The following SHB variants were observed in gnomAD, a reference collection of about 807,000 sequenced individuals.
SHB encodes SH2 domain-containing adapter protein B.
A neutral mutation model predicts 52.3 loss-of-function variants in SHB; 20 were observed. That is an observed-to-expected ratio of 0.38 (90% CI 0.27 to 0.56). The LOEUF is 0.56. SHB is among the 20% of genes least tolerant of loss of function. The pLI, the probability that SHB is intolerant of heterozygous loss-of-function variation, is 0.71. For missense variants in SHB, 825 were observed against 723.3 expected (o/e 1.14, Z -1.61); for synonymous variants, 397 against 316.5 (o/e 1.25, Z -2.70).
chr9:38,042,139 C>T (rs1464289546), intron 1 of SHB, among the ~76,000 whole-genome samples: 2 of 152,138 alleles, frequency 1.3e-5, no homozygotes, highest in African/African-American at 2.4e-5. Flanking sequence ...TGTCCTGTGC[C>T]GGGTCACCAA....
intron 3 of SHB, among the ~76,000 whole-genome samples, chr9:37,965,205 G>A (rs1052707842): frequency 3.3e-5 from 5 of 152,248 alleles, no homozygotes; most frequent in Admixed American, 2.6e-4. Context: ...GAGATGGGGA[G>A]TGGAGGTCGG....
chr9:38,053,315 G>C (rs1821775564), intron 1 of SHB, among the ~76,000 whole-genome samples: 1 of 151,884 alleles, frequency 6.6e-6, no homozygotes, highest in South Asian at 2.1e-4. Flanking sequence ...TCAGCTCACT[G>C]CAACCTCCAC....
intron 2 of SHB, among the ~76,000 whole-genome samples, chr9:38,015,809 G>A (rs1821202535): frequency 6.6e-6 from 1 of 152,114 alleles, no homozygotes. Flanking sequence ...CATGGTGCCC[G>A]GCCAGTTTTT....
At chr9:38,043,932 C>T (rs780377732) in intron 1 of SHB, among the ~76,000 whole-genome samples, 150 of 152,258 alleles carry the variant, frequency 9.9e-4, no homozygotes, top group Admixed American at 2.0e-3. Context: ...TCTCCCTGAA[C>T]GCACTGGTGG....
chr9:37,986,794 T>C (rs912337526), intron 2 of SHB, among the ~76,000 whole-genome samples: 1 of 152,192 alleles, frequency 6.6e-6, no homozygotes, highest in South Asian at 2.1e-4. Context: ...CCGGGGCCCC[T>C]GTGCTGCAGA....
At position 38,068,178 on chromosome 9, in the gene SHB, G is replaced by A; in HGVS notation, c.468C>T (p.Ser156=). The stretch of plus-strand genomic sequence containing the variant: ...TGCTGCGGTAGAGATGCGGAGAGCC[G>A]GAGGACGAGGACGAGGACGCGGCGG... The part of the protein sequence containing the change: ...AGAAASSSSS[S]GSPHLYRSSS... Residue 156 remains serine, a synonymous_variant, in exon 1 of 6, where the codon TCC becomes TCT. Coordinates refer to ENST00000377707, the MANE Select transcript of SHB (RefSeq NM_003028.3). The A allele has an allele frequency of 7.0e-7, 1 of 1,425,920 alleles. No individual in the cohort carries two copies. Among genetic ancestry groups the A allele is most frequent in the Non-Finnish European group, 9.1e-7 (1 of 1,103,388 alleles). The allele number at this position is 1,425,920 out of a possible 1,614,324, so 88.3% of individuals were successfully genotyped here.
chr9:38,009,318 C>A (rs1313109714), intron 2 of SHB, among the ~76,000 whole-genome samples: 1 of 152,196 alleles, frequency 6.6e-6, no homozygotes, highest in Non-Finnish European at 1.5e-5. Context: ...GGGGCAGGAC[C>A]CTCAGGACTG....
At chr9:38,033,817 A>G (rs1302062736) in intron 1 of SHB, among the ~76,000 whole-genome samples, 1 of 152,100 alleles carries the variant, frequency 6.6e-6, no homozygotes, top group East Asian at 1.9e-4. Context: ...AGCTGTCCAC[A>G]GCCTTTCCTA....
intron 5 of SHB, among the ~76,000 whole-genome samples, chr9:37,927,527 T>C (rs60403244): frequency 0.014 from 2,133 of 152,268 alleles, 52 homozygotes; most frequent in African/African-American, 0.048. Flanking sequence ...AAAAGCCATC[T>C]CTAGGCAGGA....
intron 3 of SHB, among the ~76,000 whole-genome samples, chr9:37,962,161 G>A (rs538253578): frequency 1.2e-3 from 187 of 152,330 alleles, no homozygotes; most frequent in Middle Eastern, 6.8e-3. Flanking sequence ...GATGTACCAA[G>A]GTCCAGGCAG....
At chr9:38,030,969 G>A (rs1024287236) in intron 1 of SHB, among the ~76,000 whole-genome samples, 1 of 152,094 alleles carries the variant, frequency 6.6e-6, no homozygotes, top group Non-Finnish European at 1.5e-5. Flanking sequence ...AAAAAGGGGG[G>A]AAAGACAAGA....
chr9:37,924,900 C>T (rs1832229644), intron 5 of SHB, among the ~76,000 whole-genome samples: 1 of 152,190 alleles, frequency 6.6e-6, no homozygotes, highest in African/African-American at 2.4e-5. Context: ...CATTCAAGGC[C>T]CTGAAGCTCC....
intron 2 of SHB, among the ~76,000 whole-genome samples, chr9:38,004,148 A>C (rs56268063): frequency 0.5 from 76,303 of 151,902 alleles, 19,247 homozygotes; most frequent in Middle Eastern, 0.54. Flanking sequence ...TTCTTACTGG[A>C]AAATGGAAAC....
intron 2 of SHB, among the ~76,000 whole-genome samples, chr9:37,982,577 G>A (rs1272372387): frequency 1.3e-5 from 2 of 151,614 alleles, no homozygotes; most frequent in Non-Finnish European, 1.5e-5. Flanking sequence ...CGGATCATGA[G>A]TTCAGGAGAT....
Position 38,016,046 on chromosome 9 carries a change from T to G in SHB, c.803A>C (p.Tyr268Ser). 1 of 1,614,174 alleles carries G rather than the reference T, an allele frequency of 6.2e-7. No homozygotes were observed. The highest frequency in any genetic ancestry group is 8.5e-7 in the Non-Finnish European group (1 of 1,179,960). ...SKAGKGESAGYMEPYEAQRIM... is the reference protein window; with the variant it reads ...SKAGKGESAGSMEPYEAQRIM... ...CCTCTGTGCCTCATAGGGCTCCATG[T>G]AGCCAGCACTCTCCCCCTTTCCTGC... Residue 268 changes from tyrosine (Y) to serine (S), a missense_variant, in exon 2 of 6, where the codon TAC (tyrosine) becomes TCC (serine). Transcript: ENST00000377707.
chr9:38,019,665 C>T (rs73437979), intron 1 of SHB, among the ~76,000 whole-genome samples: 2,313 of 152,312 alleles, frequency 0.015, 54 homozygotes, highest in African/African-American at 0.053. Context: ...GAGACACTTA[C>T]AAGGGTAACT....
intron 2 of SHB, among the ~76,000 whole-genome samples, chr9:37,984,291 G>C (rs1260103881): frequency 6.6e-6 from 1 of 152,192 alleles, no homozygotes; most frequent in African/African-American, 2.4e-5. Flanking sequence ...CTGGGAACGG[G>C]AGGGTCCCAA....
At chr9:38,029,061 C>A (rs148552572) in intron 1 of SHB, among the ~76,000 whole-genome samples, 1 of 152,298 alleles carries the variant, frequency 6.6e-6, no homozygotes, top group East Asian at 1.9e-4. Flanking sequence ...GCCCTGGACC[C>A]CTTACTGCAT....
rs184372318 is a variant in SHB at position 37,970,391 on chromosome 9, G to T, written c.1054+4231C>A. Among the ~76,000 whole-genome samples the T allele has an allele frequency of 3.0e-3, 463 of 152,332 alleles. 3 individuals carry two copies. Among genetic ancestry groups the T allele is most frequent in the Admixed American group, 1.0e-2 (153 of 15,310 alleles). ...TAAGAGCTGTTTTTGTGACAACTGGGAAGTGATAACTGAGCCTTCCGCGGT... is the reference window on the plus strand; with the variant it reads ...TAAGAGCTGTTTTTGTGACAACTGGTAAGTGATAACTGAGCCTTCCGCGGT... On this transcript the variant is annotated intron_variant, in intron 3 of 5. Coordinates refer to ENST00000377707, the MANE Select transcript of SHB (RefSeq NM_003028.3).
Sources: gnomAD v4.1 joint callset for allele counts (sites outside exome capture counted in the v4.1 genomes callset) on GRCh38, gnomAD v4.1.1 for gene constraint, MANE v1.5 for transcripts, NCBI Gene and HGNC (gene_info 2026-07-23, HGNC 2026-07-21) for gene names.